Variants in ANTXR1 observed in about 807,000 individuals in gnomAD.
ANTXR1 encodes the protein ANTXR cell adhesion molecule 1.
In ANTXR1, 19 loss-of-function variants were observed where a neutral mutation model predicts 78.1. The observed-to-expected ratio is 0.24, with a 90% CI of 0.17 to 0.36. The LOEUF is 0.36. Among genes scored for constraint, ANTXR1 ranks in the 10% least tolerant of loss-of-function variants. The probability of loss-of-function intolerance (pLI) is 1.00; values close to 1 mark genes in which losing one functional copy is unlikely to be tolerated. For synonymous variants in ANTXR1, 273 were observed against 260.5 expected (o/e 1.05, Z -0.46); for missense variants, 518 against 718.6 (o/e 0.72, Z 3.19).
chr2:69,115,998 G>A (rs967510409), intron 10 of ANTXR1, among the ~76,000 whole-genome samples: 39 of 152,298 alleles, frequency 2.6e-4, no homozygotes, highest in African/African-American at 9.1e-4. Context: ...ACATTTCACT[G>A]CCATCCATTC....
intron 10 of ANTXR1, among the ~76,000 whole-genome samples, chr2:69,117,470 A>G (rs1434549696): frequency 6.6e-6 from 1 of 152,230 alleles, no homozygotes; most frequent in African/African-American, 2.4e-5. Flanking sequence ...ACCTGTGTGT[A>G]TAGATATGCA....
At chr2:69,176,693 T>C (rs1226855693) in intron 14 of ANTXR1, among the ~76,000 whole-genome samples, 1 of 152,174 alleles carries the variant, frequency 6.6e-6, no homozygotes, top group Non-Finnish European at 1.5e-5. Flanking sequence ...AGTGAAATAA[T>C]TGACAAATAA....
Position 69,151,186 on chromosome 2 carries a change from C to CTTTTT in ANTXR1, c.952-964_952-960dup, listed in dbSNP as rs59147668. Among the ~76,000 whole-genome samples the CTTTTT allele has an allele frequency of 3.4e-3, 283 of 82,542 alleles. 1 individual carries two copies. The highest frequency in any genetic ancestry group is 3.8e-3 in the Non-Finnish European group (172 of 45,188). 54.2% of individuals were successfully genotyped at this position (82,542 alleles called of 152,430 possible). Reference sequence around the variant, plus strand: ...CTGTACAAACATATCTGATTATTTTCTTTTTTTTTTTTTTTTTTTTTTTGA... The same window carrying CTTTTT: ...CTGTACAAACATATCTGATTATTTTCTTTTTTTTTTTTTTTTTTTTTTTTTTTTGA... On this transcript the variant is annotated intron_variant, in intron 12 of 17. Transcript: ENST00000303714.
intron 17 of ANTXR1, among the ~76,000 whole-genome samples, chr2:69,242,561 T>C (rs1675920533): frequency 6.6e-6 from 1 of 152,322 alleles, no homozygotes; most frequent in South Asian, 2.1e-4. Flanking sequence ...GCCAGCCTGG[T>C]GGCCAGCTCT....
rs964982741 is a variant in ANTXR1, at chr2:69,193,420, G to A, written c.1434+5G>A. On this transcript the variant is annotated splice_donor_5th_base_variant and intron_variant, in intron 17 of 17. Coordinates refer to ENST00000303714, the MANE Select transcript of ANTXR1 (RefSeq NM_032208.3). ...CGTCCACAGCCAGGAGACACGGTAG[G>A]ACTCGTTAATTCATTAATGGTGTCT... 3 of 1,609,684 alleles carry A rather than the reference G, an allele frequency of 1.9e-6. No homozygotes were observed. The highest frequency in any genetic ancestry group is 1.1e-5 in the South Asian group (1 of 90,910).
rs531483263 is a variant in ANTXR1 at position 69,184,599 on chromosome 2, A to G, written c.1353+1939A>G. Among the ~76,000 whole-genome samples the G allele has an allele frequency of 7.9e-5, 12 of 152,342 alleles. No homozygotes were observed. The South Asian group carries it at 8.3e-4, about 11-fold the overall frequency. On this transcript the variant is annotated intron_variant, in intron 16 of 17. Coordinates refer to ENST00000303714, the MANE Select transcript of ANTXR1 (RefSeq NM_032208.3). ...CTGTAATCTTGGACACTGAGAGAAC[A>G]TTAATTCTGTTTGAAAACTCCGGTT...
intron 3 of ANTXR1, among the ~76,000 whole-genome samples, chr2:69,046,532 T>C (rs4255990): frequency 0.21 from 32,477 of 152,078 alleles, 5,880 homozygotes; most frequent in African/African-American, 0.47. Context: ...CAAATGTGCA[T>C]CAAACAACAG....
At chr2:69,123,967 A>T (rs940881589) in intron 11 of ANTXR1, among the ~76,000 whole-genome samples, 1 of 152,242 alleles carries the variant, frequency 6.6e-6, no homozygotes, top group Non-Finnish European at 1.5e-5. Context: ...GCCCAGCATC[A>T]ATCTGTGATG....
chr2:69,160,355 G>A (rs1201241538), intron 13 of ANTXR1, among the ~76,000 whole-genome samples: 1 of 152,120 alleles, frequency 6.6e-6, no homozygotes, highest in Non-Finnish European at 1.5e-5. Flanking sequence ...AGTCGACTGG[G>A]TTTCAATGCC....
chr2:69,132,043 C>A, intron 12 of ANTXR1, among the ~76,000 whole-genome samples: 1 of 152,126 alleles, frequency 6.6e-6, no homozygotes, highest in East Asian at 1.9e-4. Flanking sequence ...GGCCTCTAGT[C>A]TGTGAGGATC....
chr2:69,069,762 A>G (rs1670510569), intron 3 of ANTXR1, among the ~76,000 whole-genome samples: 1 of 152,180 alleles, frequency 6.6e-6, no homozygotes, highest in Non-Finnish European at 1.5e-5. Flanking sequence ...TGCTCAATAA[A>G]TGTTAGATTT....
chr2:69,243,090 GC>G (rs1476234655), intron 17 of ANTXR1, among the ~76,000 whole-genome samples: 21 of 152,218 alleles, frequency 1.4e-4, no homozygotes, highest in Non-Finnish European at 2.8e-4. Context: ...TCTAAACATA[GC>G]ATTGCAACTC....
chr2:69,111,312 C>G (rs1671971298), intron 10 of ANTXR1, among the ~76,000 whole-genome samples: 1 of 152,172 alleles, frequency 6.6e-6, no homozygotes, highest in Non-Finnish European at 1.5e-5. Flanking sequence ...GATCCACTTT[C>G]AGAGAGATTC....
intron 15 of ANTXR1, chr2:69,182,089 A>G: frequency 1.6e-6 from 1 of 608,682 alleles, no homozygotes; most frequent in Non-Finnish European, 2.9e-6. Flanking sequence ...TGTAAGGCAG[A>G]CGGATGGAGA....
In ANTXR1 at chr2:69,244,013, C is replaced by T. The variant is rs555145891; in HGVS notation, c.1435-1212C>T. On this transcript the variant is annotated intron_variant, in intron 17 of 17. Transcript: ENST00000303714. ...CAAGTGGCCAAGCGAAGAGAGCTCA[C>T]GCCAGCATGGAACATGGTGAGCAGG... Among the ~76,000 whole-genome samples the T allele has an allele frequency of 5.3e-4, 81 of 152,374 alleles. 1 individual carries two copies. The South Asian group carries it at 0.011, about 21-fold the overall frequency.
At chr2:69,232,452 G>A (rs1675643228) in intron 17 of ANTXR1, among the ~76,000 whole-genome samples, 1 of 147,570 alleles carries the variant, frequency 6.8e-6, no homozygotes, top group Admixed American at 6.8e-5. Flanking sequence ...AAAGCACTTA[G>A]ACACCACTGC....
At chr2:69,177,831 G>T in intron 14 of ANTXR1, among the ~76,000 whole-genome samples, 1 of 152,116 alleles carries the variant, frequency 6.6e-6, no homozygotes. Context: ...CCCACCACTC[G>T]GGGGGATTGG....
At position 69,013,833 on chromosome 2, in the gene ANTXR1, C is replaced by T. The variant is rs1239720998; in HGVS notation, c.152+182C>T. Among the ~76,000 whole-genome samples the T allele has an allele frequency of 2.6e-5, 4 of 152,212 alleles. No homozygotes were observed. The highest frequency in any genetic ancestry group is 5.9e-5 in the Non-Finnish European group (4 of 68,040). On this transcript the variant is annotated intron_variant, in intron 1 of 17. Coordinates refer to ENST00000303714, the MANE Select transcript of ANTXR1 (RefSeq NM_032208.3). This position sits in a 1 kb window ranked among gnomAD's most constrained non-coding sequence, Gnocchi z 5.0. ...TGTTGGGGCGCGCTCCTCCCAGCCT[C>T]GGCTCCAGAGCCCGCAGCCGAGGCG...
chr2:69,168,230 A>T (rs28374255), intron 13 of ANTXR1, among the ~76,000 whole-genome samples: 1 of 152,210 alleles, frequency 6.6e-6, no homozygotes, highest in African/African-American at 2.4e-5. Context: ...ATACAACAAG[A>T]AAGGGAAAGG....
Sources: allele counts gnomAD v4.1 joint callset (sites outside exome capture counted in the v4.1 genomes callset), GRCh38; gene constraint gnomAD v4.1.1; non-coding constraint Gnocchi (gnomAD v3.1); transcripts MANE v1.5; gene names NCBI Gene and HGNC (gene_info 2026-07-23, HGNC 2026-07-21).